Variants in MTUS2 observed in about 807,000 individuals in gnomAD.
MTUS2 encodes microtubule associated scaffold protein 2, also known as microtubule-associated tumor suppressor candidate 2.
Under a neutral mutation model 114.1 loss-of-function variants are expected in MTUS2, and 40 were observed. The observed-to-expected ratio is 0.35, with a 90% CI of 0.27 to 0.46. The LOEUF (loss-of-function observed/expected upper bound fraction) is 0.46, where lower values mean the gene tolerates loss of function less well. Among genes scored for constraint, MTUS2 ranks in the 20% least tolerant of loss-of-function variants. MTUS2 has a pLI of 1.00. For synonymous variants in MTUS2, 688 were observed against 672.0 expected, an observed-to-expected ratio of 1.02 and a Z score of -0.37; for missense variants, 1,679 against 1,705.4, an observed-to-expected ratio of 0.98 and a Z score of 0.27.
At chr13:29,312,836 A>C (rs538077609) in intron 6 of MTUS2, among the ~76,000 whole-genome samples, 1 of 152,314 alleles carries the variant, frequency 6.6e-6, no homozygotes, top group East Asian at 1.9e-4. Context: ...CAGTATGTAC[A>C]GGGATTTCTC....
intron 2 of MTUS2, among the ~76,000 whole-genome samples, chr13:28,931,202 C>T (rs964099886): frequency 2.6e-5 from 4 of 151,996 alleles, no homozygotes; most frequent in African/African-American, 9.7e-5. Context: ...GTTCTGCATC[C>T]GTGGATTCAA....
At chr13:28,982,117 A>G (rs1593354184) in intron 2 of MTUS2, among the ~76,000 whole-genome samples, 1 of 152,174 alleles carries the variant, frequency 6.6e-6, no homozygotes, top group East Asian at 1.9e-4. Flanking sequence ...GAATGTTTAG[A>G]TGGGCAAGAA....
intron 5 of MTUS2, among the ~76,000 whole-genome samples, chr13:29,266,023 G>C (rs1279931881): frequency 6.6e-6 from 1 of 152,160 alleles, no homozygotes; most frequent in East Asian, 1.9e-4. Context: ...AGACCACTGA[G>C]AGTGATCATA....
intron 2 of MTUS2, among the ~76,000 whole-genome samples, chr13:28,957,490 C>A (rs1175543191): frequency 1.3e-5 from 2 of 152,178 alleles, no homozygotes; most frequent in Non-Finnish European, 2.9e-5. Context: ...ATTGAACATG[C>A]ACAGACTTTT....
rs751020009 is a variant in MTUS2 at position 29,071,409 on chromosome 13, A to AT, written c.2447-29330dup. On this transcript the variant is annotated intron_variant, in intron 4 of 15. Coordinates refer to ENST00000612955, the MANE Select transcript of MTUS2 (RefSeq NM_001033602.4). ...TTTAAAAGATCTCTATGTTGCTTGA[A>AT]TTTTTTTTTTTTTTTTTTTTTTTTT... 1.6e-3 allele frequency among the ~76,000 whole-genome samples: 73 copies of AT among 46,140 alleles called. 14 individuals carry two copies. The highest frequency in any genetic ancestry group is 0.014 in the East Asian group (16 of 1,104). 30.3% of individuals were successfully genotyped at this position (46,140 alleles called of 152,430 possible). A position where few individuals can be genotyped will look rare whatever the true frequency, so the allele number is the denominator to read the frequency against.
intron 8 of MTUS2, among the ~76,000 whole-genome samples, chr13:29,374,918 C>T (rs967591558): frequency 3.3e-5 from 5 of 150,314 alleles, no homozygotes; most frequent in Admixed American, 3.3e-4. Context: ...AAGAGTGAAA[C>T]TCTGTCTCAA....
chr13:29,214,566 A>C (rs1260269288), intron 5 of MTUS2, among the ~76,000 whole-genome samples: 8 of 152,318 alleles, frequency 5.3e-5, no homozygotes, highest in East Asian at 1.9e-4. Context: ...TGGTGACAAT[A>C]TCTCTCAGCA....
At chr13:28,870,494 C>A (rs1345882827) in intron 2 of MTUS2, among the ~76,000 whole-genome samples, 4 of 152,298 alleles carry the variant, frequency 2.6e-5, no homozygotes, top group African/African-American at 9.6e-5. Flanking sequence ...CTGGTTGGCC[C>A]ATTCCCCATC....
At chr13:29,274,635 C>T (rs1056502544) in intron 5 of MTUS2, among the ~76,000 whole-genome samples, 7 of 152,140 alleles carry the variant, frequency 4.6e-5, no homozygotes, top group Admixed American at 3.9e-4. Context: ...TTTTCATGTA[C>T]TTATTTCCCA....
At chr13:28,934,629 T>C (rs1881794177) in intron 2 of MTUS2, among the ~76,000 whole-genome samples, 1 of 152,190 alleles carries the variant, frequency 6.6e-6, no homozygotes, top group Admixed American at 6.5e-5. Flanking sequence ...GTTCAAGCGA[T>C]TCTCCTGCCT....
intron 7 of MTUS2, among the ~76,000 whole-genome samples, chr13:29,335,569 G>GA (rs1901017449): frequency 6.6e-6 from 1 of 152,054 alleles, no homozygotes; most frequent in African/African-American, 2.4e-5. Flanking sequence ...TTTGCGGCTT[G>GA]GGGGGCATCA....
At chr13:29,028,871 T>G (rs377651634) in intron 3 of MTUS2, among the ~76,000 whole-genome samples, 13 of 152,190 alleles carry the variant, frequency 8.5e-5, no homozygotes, top group African/African-American at 3.1e-4. Flanking sequence ...ACTCCATATG[T>G]GTTGGAACTA....
intron 7 of MTUS2, among the ~76,000 whole-genome samples, chr13:29,346,044 T>A (rs1358463931): frequency 6.6e-6 from 1 of 152,158 alleles, no homozygotes; most frequent in African/African-American, 2.4e-5. Context: ...AACGAGCACC[T>A]CCTCCAGTGG....
chr13:28,997,798 T>C (rs1885185990), intron 2 of MTUS2, among the ~76,000 whole-genome samples: 1 of 152,114 alleles, frequency 6.6e-6, no homozygotes, highest in Non-Finnish European at 1.5e-5. Context: ...GCACGTGAGA[T>C]GGGTTTCCTG....
intron 5 of MTUS2, among the ~76,000 whole-genome samples, chr13:29,204,795 C>T (rs148451894): frequency 6.9e-4 from 105 of 152,320 alleles, no homozygotes; most frequent in Non-Finnish European, 1.1e-3. Flanking sequence ...TACACAGCTT[C>T]GTGACCATTG....
At chr13:29,388,229 A>C (rs1353453530) in intron 8 of MTUS2, among the ~76,000 whole-genome samples, 1 of 152,102 alleles carries the variant, frequency 6.6e-6, no homozygotes, top group African/African-American at 2.4e-5. Flanking sequence ...TCAGTTTAGC[A>C]CCGTGACAGG....
Position 29,463,518 on chromosome 13 carries a change from T to C in MTUS2, c.3185-16632T>C, listed in dbSNP as rs75023345. ...GTTGACTTCAGTTTTCCCAGTGAAG[T>C]AGGCTCCAAGGGCACACGCCCTATT... On this transcript the variant is annotated intron_variant, in intron 9 of 15. Coordinates refer to ENST00000612955, the MANE Select transcript of MTUS2 (RefSeq NM_001033602.4). 4.0e-3 allele frequency among the ~76,000 whole-genome samples: 613 copies of C among 152,260 alleles called. 3 individuals are homozygous for C. Among genetic ancestry groups the C allele is most frequent in the Non-Finnish European group, 7.1e-3 (481 of 68,020 alleles).
At chr13:29,198,981 G>T (rs1364215308) in intron 5 of MTUS2, among the ~76,000 whole-genome samples, 4 of 152,064 alleles carry the variant, frequency 2.6e-5, no homozygotes, top group Non-Finnish European at 4.4e-5. Flanking sequence ...AGATGATGGG[G>T]TTTTCTAAAT....
At position 29,025,945 on chromosome 13, in the gene MTUS2, C is replaced by A; in HGVS notation, c.1247C>A (p.Pro416Gln). ...AATCAGCCCACTGGCAAAATTTCAC[C>A]ATGTGCAGGTGAGAAGTTGGGTGAA... is the stretch of plus-strand genomic sequence containing the variant. ...ADNQPTGKISPCAGEKLGERT... is the reference protein window; with the variant it reads ...ADNQPTGKISQCAGEKLGERT... Residue 416 changes from proline to glutamine, a missense_variant, in exon 3 of 16, where the codon CCA becomes CAA. By Grantham distance (76) the Pro-to-Gln change is moderately conservative. Around this residue, in one of 3 missense-constraint regions of MTUS2, gnomAD observed 843 missense variants for 770.8 expected, o/e 1.09. Transcript: ENST00000612955. 1 of 1,613,986 alleles carries A rather than the reference C, an allele frequency of 6.2e-7. No individual in the cohort carries two copies. Among genetic ancestry groups the A allele is most frequent in the Non-Finnish European group, 8.5e-7 (1 of 1,179,876 alleles).
Sources: gnomAD v4.1 joint callset for allele counts (sites outside exome capture counted in the v4.1 genomes callset) on GRCh38, gnomAD v4.1.1 for gene constraint, gnomAD v4.1.1 regional missense constraint, MANE v1.5 for transcripts, NCBI Gene and HGNC (gene_info 2026-07-23, HGNC 2026-07-21) for gene names.